CTNNA3: variants seen among roughly 807,000 people sequenced by gnomAD.
CTNNA3 encodes catenin alpha-3.
In CTNNA3, 76 loss-of-function variants were observed where a neutral mutation model predicts 95.7. The observed-to-expected ratio is 0.79, with a 90% confidence interval of 0.66 to 0.96. CTNNA3 has a LOEUF of 0.96. CTNNA3 is among the 40% of genes least tolerant of loss of function. The pLI is 0.00. For synonymous variants in CTNNA3, 431 were observed against 374.4 expected (o/e 1.15, Z -1.74); for missense variants, 1,191 against 1,089.8 (o/e 1.09, Z -1.31).
intron 12 of CTNNA3, among the ~76,000 whole-genome samples, chr10:66,300,553 A>G (rs959244079): frequency 4.0e-5 from 6 of 151,784 alleles, no homozygotes; most frequent in Non-Finnish European, 5.9e-5. Flanking sequence ...TCATGTTGAT[A>G]TGGATTCCTG....
At chr10:66,347,725 A>T (rs4418682) in intron 12 of CTNNA3, among the ~76,000 whole-genome samples, 1 of 151,704 alleles carries the variant, frequency 6.6e-6, no homozygotes, top group Non-Finnish European at 1.5e-5. Flanking sequence ...CAACTGAAGA[A>T]AAGATTAGTG....
intron 8 of CTNNA3, among the ~76,000 whole-genome samples, chr10:66,770,066 C>T (rs957342744): frequency 6.6e-6 from 1 of 152,204 alleles, no homozygotes; most frequent in African/African-American, 2.4e-5. Context: ...TTATACTCTA[C>T]TACCTTGGCT....
intron 1 of CTNNA3, among the ~76,000 whole-genome samples, chr10:67,691,781 T>C (rs1350100617): frequency 2.7e-4 from 31 of 116,942 alleles, no homozygotes; most frequent in South Asian, 9.5e-4. Context: ...GCCCCCCGCC[T>C]GGCCAGCCGC....
intron 5 of CTNNA3, among the ~76,000 whole-genome samples, chr10:67,277,963 G>C (rs2132434974): frequency 6.6e-6 from 1 of 152,250 alleles, no homozygotes; most frequent in East Asian, 1.9e-4. Context: ...CAATAGAGCA[G>C]TCCAAGATGC....
chr10:67,057,165 TAGAA>T (rs1412322056), intron 7 of CTNNA3, among the ~76,000 whole-genome samples: 2 of 152,164 alleles, frequency 1.3e-5, no homozygotes, highest in Non-Finnish European at 2.9e-5. Context: ...AATTGACAAA[TAGAA>T]AGAGTTTATA....
intron 11 of CTNNA3, among the ~76,000 whole-genome samples, chr10:66,448,517 G>A (rs534623190): frequency 0.016 from 2,463 of 152,264 alleles, 57 homozygotes; most frequent in African/African-American, 0.056. Flanking sequence ...ATGAGTTCAT[G>A]TCCTTTGTAG....
intron 11 of CTNNA3, among the ~76,000 whole-genome samples, chr10:66,385,332 A>G (rs2092880353): frequency 6.6e-6 from 1 of 152,218 alleles, no homozygotes; most frequent in African/African-American, 2.4e-5. Context: ...AATAAACTAG[A>G]AAATCTAGAA....
At chr10:65,954,782 A>T (rs1362108308) in intron 17 of CTNNA3, among the ~76,000 whole-genome samples, 2 of 152,196 alleles carry the variant, frequency 1.3e-5, no homozygotes, top group Non-Finnish European at 2.9e-5. Context: ...CTGTTTGGTT[A>T]CTGTAGCCTT....
intron 7 of CTNNA3, chr10:67,097,464 TG>T: frequency 1.3e-6 from 1 of 770,702 alleles, no homozygotes; most frequent in Non-Finnish European, 2.2e-6. Flanking sequence ...TAGGGACACC[TG>T]GGCCACAGGG....
chr10:66,215,018 T>C (rs545558078), intron 13 of CTNNA3, among the ~76,000 whole-genome samples: 6 of 152,180 alleles, frequency 3.9e-5, no homozygotes, highest in Non-Finnish European at 7.4e-5. Flanking sequence ...TAGATAGATA[T>C]GCAGAAATTT....
chr10:67,426,963 C>T (rs1010347737), intron 5 of CTNNA3, among the ~76,000 whole-genome samples: 1 of 151,988 alleles, frequency 6.6e-6, no homozygotes, highest in African/African-American at 2.4e-5. Context: ...ATTCAGTCAT[C>T]AAGAGACAGT....
chr10:66,180,237 C>T (rs1156558066), intron 13 of CTNNA3, among the ~76,000 whole-genome samples: 1 of 152,096 alleles, frequency 6.6e-6, no homozygotes, highest in Non-Finnish European at 1.5e-5. Context: ...TTTTCAAAAG[C>T]CGAAAATGAG....
intron 11 of CTNNA3, among the ~76,000 whole-genome samples, chr10:66,437,856 G>A (rs1371495954): frequency 2.0e-5 from 3 of 152,102 alleles, no homozygotes; most frequent in Non-Finnish European, 4.4e-5. Context: ...GGTCTTTGAC[G>A]TTGGTGATCT....
At chr10:66,796,944 A>G (rs1180854000) in intron 7 of CTNNA3, among the ~76,000 whole-genome samples, 1 of 151,962 alleles carries the variant, frequency 6.6e-6, no homozygotes, top group Non-Finnish European at 1.5e-5. Context: ...GTTTTTCATG[A>G]TTATTATTTT....
chr10:66,568,970 A>G (rs1404704162), intron 10 of CTNNA3, among the ~76,000 whole-genome samples: 1 of 151,980 alleles, frequency 6.6e-6, no homozygotes, highest in African/African-American at 2.4e-5. Flanking sequence ...GAAATCCAGA[A>G]AGTACTCTGA....
At chr10:67,143,472 T>G (rs939037400) in intron 7 of CTNNA3, among the ~76,000 whole-genome samples, 17 of 144,946 alleles carry the variant, frequency 1.2e-4, no homozygotes, top group Non-Finnish European at 1.7e-4. Flanking sequence ...TGAGGCTGTT[T>G]GACAGTGTTT....
chr10:66,654,131 C>T (rs1439275736), intron 9 of CTNNA3, among the ~76,000 whole-genome samples: 1 of 151,998 alleles, frequency 6.6e-6, no homozygotes, highest in African/African-American at 2.4e-5. Flanking sequence ...TAAAAAGTTT[C>T]TTCACAGCCA....
At position 66,770,836 on chromosome 10, in the gene CTNNA3, ATTAAATTTTAATAAATTAACAGTAT is replaced by A. The variant is rs1245603852; in HGVS notation, c.1129-4445_1129-4421del. Among the ~76,000 whole-genome samples, 17 of 41,806 alleles carry A rather than the reference ATTAAATTTTAATAAATTAACAGTAT, an allele frequency of 4.1e-4. No individual in the cohort carries two copies. In the South Asian group the frequency reaches 4.4e-3, roughly 11 times the overall value. The allele number at this position is 41,806 out of a possible 152,430, so 27.4% of individuals were successfully genotyped here. ...AAAATATTTTATGTTAAAATATTGT[ATTAAATTTTAATAAATTAACAGTAT>A]TTAAATTTTAATAAATATTTTAAAT... On this transcript the variant is annotated intron_variant, in intron 8 of 17. Transcript: ENST00000433211.
chr10:66,573,720 G>C (rs890297733), intron 10 of CTNNA3, among the ~76,000 whole-genome samples: 1 of 152,096 alleles, frequency 6.6e-6, no homozygotes, highest in Non-Finnish European at 1.5e-5. Context: ...TAGTCATTTA[G>C]TATCTTAGAA....
Sources: gnomAD v4.1 joint callset for allele counts (sites outside exome capture counted in the v4.1 genomes callset) on GRCh38, gnomAD v4.1.1 for gene constraint, MANE v1.5 for transcripts, NCBI Gene and HGNC (gene_info 2026-07-23, HGNC 2026-07-21) for gene names.